The following FAM3C variants were observed in gnomAD, a reference collection of about 807,000 sequenced individuals.
The protein encoded by FAM3C is FAM3 metabolism regulating signaling molecule C, also known as protein FAM3C.
In FAM3C, 15 loss-of-function variants were observed where a neutral mutation model predicts 32.5. The observed-to-expected ratio is 0.46, with a 90% confidence interval of 0.31 to 0.71. FAM3C has a LOEUF of 0.71. Ranked by LOEUF, FAM3C falls within the 30% of genes least tolerant of loss-of-function variation. The pLI, the probability that FAM3C is intolerant of heterozygous loss-of-function variation, is 0.05. For missense variants in FAM3C, 175 were observed against 274.4 expected (o/e 0.64, Z 2.56); for synonymous variants, 75 against 86.1 (o/e 0.87, Z 0.72).
chr7:121,386,326 T>C (rs1022050707), intron 1 of FAM3C, among the ~76,000 whole-genome samples: 1 of 152,114 alleles, frequency 6.6e-6, no homozygotes, highest in African/African-American at 2.4e-5. Context: ...GCTGGACAAA[T>C]GACAATTTTA....
chr7:121,391,152 C>T (rs767338006), intron 1 of FAM3C, among the ~76,000 whole-genome samples: 1 of 152,094 alleles, frequency 6.6e-6, no homozygotes, highest in African/African-American at 2.4e-5. Flanking sequence ...ATCCACTTAA[C>T]GAAATGAAAT....
chr7:121,395,569 T>C (rs1794673406), intron 1 of FAM3C, among the ~76,000 whole-genome samples: 1 of 151,962 alleles, frequency 6.6e-6, no homozygotes, highest in Non-Finnish European at 1.5e-5. Context: ...TATTCAGATC[T>C]AGGGCCACTA....
chr7:121,384,051 T>A (rs1794415023), intron 1 of FAM3C, among the ~76,000 whole-genome samples: 1 of 152,180 alleles, frequency 6.6e-6, no homozygotes, highest in African/African-American at 2.4e-5. Context: ...ACATGCACTT[T>A]TTTTATTCAC....
At position 121,350,252 on chromosome 7, in the gene FAM3C, C is replaced by T; in HGVS notation, c.*209G>A. The T allele has an allele frequency of 1.9e-6, 1 of 537,654 alleles. No homozygotes were observed. The highest frequency in any genetic ancestry group is 3.3e-6 in the Non-Finnish European group (1 of 302,146). The allele number at this position is 537,654 out of a possible 1,614,324, so 33.3% of individuals were successfully genotyped here. A position where few individuals can be genotyped will look rare whatever the true frequency, so the allele number is the denominator to read the frequency against. On this transcript the variant is annotated 3_prime_UTR_variant, in exon 10 of 10. Transcript: ENST00000359943. Reference sequence around the variant, plus strand: ...GTACTTTTAGGGAAATGTGCGGAGACATGGTTCAGTGATTTGATCATTGTG... The same window carrying T: ...GTACTTTTAGGGAAATGTGCGGAGATATGGTTCAGTGATTTGATCATTGTG...
chr7:121,355,124 T>G (rs932797485), intron 8 of FAM3C, among the ~76,000 whole-genome samples: 9 of 152,196 alleles, frequency 5.9e-5, no homozygotes, highest in Non-Finnish European at 1.3e-4. Context: ...ATGAGAATGA[T>G]ATATCATCCA....
chr7:121,389,241 G>A (rs1467692046), intron 1 of FAM3C, among the ~76,000 whole-genome samples: 1 of 152,070 alleles, frequency 6.6e-6, no homozygotes, highest in Admixed American at 6.6e-5. Context: ...GAATTTCATA[G>A]TACAACCCCC....
intron 1 of FAM3C, among the ~76,000 whole-genome samples, chr7:121,389,924 T>C (rs972560443): frequency 2.0e-5 from 3 of 152,148 alleles, no homozygotes; most frequent in Non-Finnish European, 2.9e-5. Flanking sequence ...AGGATGAAAT[T>C]AATATGGGGC....
intron 8 of FAM3C, among the ~76,000 whole-genome samples, chr7:121,358,172 G>A (rs959305073): frequency 6.6e-6 from 1 of 151,970 alleles, no homozygotes; most frequent in African/African-American, 2.4e-5. Context: ...CAGATAAAAC[G>A]CACAATGTCA....
chr7:121,395,468 A>C (rs1207660239), intron 1 of FAM3C, among the ~76,000 whole-genome samples: 2 of 151,784 alleles, frequency 1.3e-5, no homozygotes, highest in African/African-American at 4.8e-5. Context: ...TTTTCTTAAA[A>C]AAAAAAAAGG....
At chr7:121,358,837 C>T (rs1312325605) in intron 8 of FAM3C, among the ~76,000 whole-genome samples, 1 of 151,940 alleles carries the variant, frequency 6.6e-6, no homozygotes. Context: ...GCACCCTACA[C>T]TAACAAAATT....
chr7:121,377,942 T>G (rs1332464985), intron 3 of FAM3C, among the ~76,000 whole-genome samples: 2 of 152,196 alleles, frequency 1.3e-5, no homozygotes, highest in African/African-American at 4.8e-5. Flanking sequence ...TTTTTCAGAA[T>G]GTATCCCCAT....
chr7:121,389,197 A>G (rs1215229033), intron 1 of FAM3C, among the ~76,000 whole-genome samples: 4 of 152,192 alleles, frequency 2.6e-5, no homozygotes, highest in African/African-American at 7.2e-5. Context: ...TTCTGAGAAC[A>G]TAAGTATTCC....
In FAM3C at chr7:121,365,490, G is replaced by A. The variant is rs550645049; in HGVS notation, c.273-1302C>T. 3.4e-3 allele frequency among the ~76,000 whole-genome samples: 522 copies of A among 152,142 alleles called. 1 individual carries two copies. Among genetic ancestry groups the A allele is most frequent in the African/African-American group, 0.011 (444 of 41,530 alleles). ...CACCTCAAGTCTAGAACTTGAGTCT[G>A]CAAACTTTTTGTGTAAAGAGAGAAA... On this transcript the variant is annotated intron_variant, in intron 5 of 9. Transcript: ENST00000359943.
intron 2 of FAM3C, among the ~76,000 whole-genome samples, chr7:121,379,515 A>T (rs185353975): frequency 9.8e-4 from 149 of 152,304 alleles, no homozygotes; most frequent in African/African-American, 3.4e-3. Context: ...TCCTGGAGCT[A>T]CATAAGCCCT....
At chr7:121,366,366 A>C (rs1377004858) in intron 5 of FAM3C, among the ~76,000 whole-genome samples, 12 of 152,148 alleles carry the variant, frequency 7.9e-5, no homozygotes. Context: ...CATAAAAGGA[A>C]TGAAGTTCTG....
At position 121,372,170 on chromosome 7, in the gene FAM3C, G is replaced by C. The variant is rs142492265; in HGVS notation, c.119-31C>G. 29 of 1,545,668 alleles carry C rather than the reference G, an allele frequency of 1.9e-5. No individual in the cohort carries two copies. The African/African-American group carries it at 2.7e-4, about 15-fold the overall frequency. ...AAAAAAAAATTACTTTTGTTAGAAGGAATGAGTCTATTGGCAAGTATCCAC... is the reference window on the plus strand; with the variant it reads ...AAAAAAAAATTACTTTTGTTAGAAGCAATGAGTCTATTGGCAAGTATCCAC... On this transcript the variant is annotated intron_variant, in intron 3 of 9. Transcript: ENST00000359943.
At chr7:121,370,405 C>T (rs1415010897) in intron 5 of FAM3C, among the ~76,000 whole-genome samples, 1 of 152,118 alleles carries the variant, frequency 6.6e-6, no homozygotes, top group African/African-American at 2.4e-5. Context: ...GGCACATAAA[C>T]AGCTAGGAAA....
At chr7:121,355,727 C>T (rs1226986767) in intron 8 of FAM3C, among the ~76,000 whole-genome samples, 1 of 152,144 alleles carries the variant, frequency 6.6e-6, no homozygotes, top group Non-Finnish European at 1.5e-5. Context: ...GGTACACTGG[C>T]AACTGTTTGA....
At position 121,351,272 on chromosome 7, in the gene FAM3C, T is replaced by C. The variant is rs759490654; in HGVS notation, c.468-3A>G. 3 of 1,613,006 alleles carry C rather than the reference T, an allele frequency of 1.9e-6. No individual in the cohort carries two copies. The highest frequency in any genetic ancestry group is 1.7e-5 in the Admixed American group (1 of 59,868). On this transcript the variant is annotated splice_polypyrimidine_tract_variant and splice_region_variant and intron_variant, in intron 8 of 9. Coordinates refer to ENST00000359943, the MANE Select transcript of FAM3C (RefSeq NM_014888.3). ...GCCGCCGTGCCTCATCATTGAGTCT[T>C]GAAGAGGGAGAGAAAGAATACAACA... is the stretch of plus-strand genomic sequence containing the variant.
Sources: allele counts gnomAD v4.1 joint callset (sites outside exome capture counted in the v4.1 genomes callset), GRCh38; gene constraint gnomAD v4.1.1; transcripts MANE v1.5; gene names NCBI Gene and HGNC (gene_info 2026-07-23, HGNC 2026-07-21).